KCNIP4: variants seen among roughly 807,000 people sequenced by gnomAD.
The protein encoded by KCNIP4 is potassium voltage-gated channel interacting protein 4.
In KCNIP4, 12 loss-of-function variants were observed where a neutral mutation model predicts 34.0. The ratio of observed to expected loss-of-function variants is 0.35; its 90% CI spans 0.23 to 0.57. The LOEUF (loss-of-function observed/expected upper bound fraction) is 0.57. Among genes scored for constraint, KCNIP4 ranks in the 20% least tolerant of loss-of-function variants. The pLI, the probability that KCNIP4 is intolerant of heterozygous loss-of-function variation, is 0.83. For missense variants in KCNIP4, 238 were observed against 311.7 expected (o/e 0.76, Z 1.78); for synonymous variants, 124 against 102.2 (o/e 1.21, Z -1.29).
intron 3 of KCNIP4, among the ~76,000 whole-genome samples, chr4:20,791,262 C>A (rs562417585): frequency 4.6e-5 from 7 of 152,170 alleles, no homozygotes; most frequent in Admixed American, 1.3e-4. Flanking sequence ...ATGTCAACAG[C>A]TGAAAGACAT....
At chr4:21,927,244 T>A (rs546991857) in intron 1 of KCNIP4, among the ~76,000 whole-genome samples, 2 of 152,288 alleles carry the variant, frequency 1.3e-5, no homozygotes, top group Middle Eastern at 3.4e-3. Flanking sequence ...TCACCCTGGA[T>A]AATTGTCCCA....
chr4:21,234,125 C>T (rs1342205577), intron 1 of KCNIP4, among the ~76,000 whole-genome samples: 2 of 105,470 alleles, frequency 1.9e-5, no homozygotes, highest in Admixed American at 2.2e-4. Flanking sequence ...TTATATATAA[C>T]ATATATAACG....
At chr4:21,796,326 C>T (rs905296537) in intron 1 of KCNIP4, among the ~76,000 whole-genome samples, 5 of 152,156 alleles carry the variant, frequency 3.3e-5, no homozygotes, top group Non-Finnish European at 5.9e-5. Context: ...GCTTTCTCCC[C>T]TCCCTGTAAG....
intron 1 of KCNIP4, among the ~76,000 whole-genome samples, chr4:21,123,758 A>G (rs1750370151): frequency 6.6e-6 from 1 of 152,100 alleles, no homozygotes; most frequent in Non-Finnish European, 1.5e-5. Flanking sequence ...TCGCAATGGG[A>G]TTATTGTCCT....
chr4:20,885,544 T>C (rs1577315396), intron 1 of KCNIP4, among the ~76,000 whole-genome samples: 1 of 151,936 alleles, frequency 6.6e-6, no homozygotes, highest in East Asian at 1.9e-4. Context: ...CCCTAGCCTC[T>C]GAATTTTCAA....
intron 1 of KCNIP4, among the ~76,000 whole-genome samples, chr4:21,423,965 G>A (rs1725719790): frequency 6.9e-6 from 1 of 145,252 alleles, no homozygotes; most frequent in Admixed American, 6.8e-5. Context: ...GCGCCACCAT[G>A]CCCGGCCAAT....
rs1314461014 is a variant in KCNIP4, at chr4:21,224,586, T to G, written c.62-341877A>C. Among the ~76,000 whole-genome samples, 3 of 132,538 alleles carry G rather than the reference T, an allele frequency of 2.3e-5. No homozygotes were observed. In the East Asian group the frequency reaches 6.3e-4, roughly 28 times the overall value. The allele number at this position is 132,538 out of a possible 152,430, so 87.0% of individuals were successfully genotyped here. A position where few individuals can be genotyped will look rare whatever the true frequency, so the allele number is the denominator to read the frequency against. ...CTTACAATTTTTCAACTGTTTTTTT[T>G]TTTTTTTTTTTTTTTTTTCAGATGG... On this transcript the variant is annotated intron_variant, in intron 1 of 8. Transcript: ENST00000382152.
chr4:21,009,318 G>C (rs1407745671), intron 1 of KCNIP4, among the ~76,000 whole-genome samples: 1 of 152,156 alleles, frequency 6.6e-6, no homozygotes, highest in Non-Finnish European at 1.5e-5. Flanking sequence ...GATGGATTTG[G>C]ATGGCTTTGC....
intron 1 of KCNIP4, among the ~76,000 whole-genome samples, chr4:21,226,240 AGGGG>A (rs1036034268): frequency 3.1e-4 from 9 of 29,460 alleles, no homozygotes; most frequent in Non-Finnish European, 2.7e-4. Flanking sequence ...AGGGGGAGGG[AGGGG>A]GGGAGGGAGG....
intron 1 of KCNIP4, among the ~76,000 whole-genome samples, chr4:21,581,555 G>C (rs1741199501): frequency 6.6e-6 from 1 of 151,960 alleles, no homozygotes; most frequent in African/African-American, 2.4e-5. Flanking sequence ...CAAAGCCTCT[G>C]CTCCTTCATC....
rs770366497 is a variant in KCNIP4, at chr4:21,304,030, T to TGAGAGAGAGAGAGAGA, written c.62-421337_62-421322dup. The TGAGAGAGAGAGAGAGA allele has an allele frequency of 7.6e-4, 219 of 288,632 alleles. 16 individuals are homozygous for TGAGAGAGAGAGAGAGA. Among genetic ancestry groups the TGAGAGAGAGAGAGAGA allele is most frequent in the African/African-American group, 3.0e-3 (66 of 21,648 alleles). The allele number at this position is 288,632 out of a possible 1,614,324, so 17.9% of individuals were successfully genotyped here. On this transcript the variant is annotated intron_variant, in intron 1 of 8. Transcript: ENST00000382152. ...GGAGAAAGGGGAGGAGGAGAGCGTA[T>TGAGAGAGAGAGAGAGA]GAGAGAGAGAGAGAGAGAGAGAGAG...
At chr4:21,395,657 T>G (rs1296917504) in intron 1 of KCNIP4, among the ~76,000 whole-genome samples, 1 of 152,140 alleles carries the variant, frequency 6.6e-6, no homozygotes, top group Non-Finnish European at 1.5e-5. Context: ...TAATAAAAAT[T>G]TGTATATTTT....
Position 20,874,038 on chromosome 4 carries a change from C to T in KCNIP4, c.163+8570G>A, listed in dbSNP as rs192538954. Among the ~76,000 whole-genome samples, 38 of 152,242 alleles carry T rather than the reference C, an allele frequency of 2.5e-4. No homozygotes were observed. The East Asian group carries it at 5.6e-3, about 22-fold the overall frequency. Reference sequence around the variant, plus strand: ...GTATCACTACAGTAGTTGTGATCATCGTAGTAGCAGGAGAATGACAGCAAA... The same window carrying T: ...GTATCACTACAGTAGTTGTGATCATTGTAGTAGCAGGAGAATGACAGCAAA... On this transcript the variant is annotated intron_variant, in intron 2 of 8. Transcript: ENST00000382152.
chr4:21,411,386 T>C (rs1456004202), intron 1 of KCNIP4, among the ~76,000 whole-genome samples: 1 of 152,302 alleles, frequency 6.6e-6, no homozygotes, highest in South Asian at 2.1e-4. Flanking sequence ...TCAATAATGA[T>C]GGAAAATCTA....
rs554101352 is a variant in KCNIP4 at position 21,094,301 on chromosome 4, A to G, written c.62-211592T>C. 1.5e-4 allele frequency among the ~76,000 whole-genome samples: 23 copies of G among 152,322 alleles called. No homozygotes were observed. The South Asian group carries it at 4.1e-3, about 27-fold the overall frequency. On this transcript the variant is annotated intron_variant, in intron 1 of 8. Transcript: ENST00000382152. The stretch of plus-strand genomic sequence containing the variant: ...GTGGCAGATTCAACACAGAAAAATT[A>G]CAACTTCCTCATACAATGAAAATTT...
At chr4:20,772,698 A>C (rs1258894557) in intron 3 of KCNIP4, among the ~76,000 whole-genome samples, 1 of 151,558 alleles carries the variant, frequency 6.6e-6, no homozygotes. Flanking sequence ...CTGGAATACA[A>C]TGGCACAATC....
At chr4:21,028,447 A>T (rs1740734653) in intron 1 of KCNIP4, among the ~76,000 whole-genome samples, 1 of 152,182 alleles carries the variant, frequency 6.6e-6, no homozygotes. Flanking sequence ...TCTGGCTTCC[A>T]ATATGTTTTA....
At chr4:20,905,509 C>CTGTTTTTTTTTTTTTTTTTTTTT (rs1727641885) in intron 1 of KCNIP4, among the ~76,000 whole-genome samples, 1 of 72,804 alleles carries the variant, frequency 1.4e-5, no homozygotes, top group Non-Finnish European at 2.7e-5. Context: ...CGTTTTCTTT[C>CTGTTTTTTTTTTTTTTTTTTTTT]TTTTTTTTTT....
intron 1 of KCNIP4, among the ~76,000 whole-genome samples, chr4:21,082,330 A>G (rs1236689430): frequency 6.6e-6 from 1 of 151,796 alleles, no homozygotes; most frequent in Non-Finnish European, 1.5e-5. Flanking sequence ...CATTAGAAGT[A>G]CTTAAGCAAA....
Sources: gnomAD v4.1 joint callset for allele counts (sites outside exome capture counted in the v4.1 genomes callset) on GRCh38, gnomAD v4.1.1 for gene constraint, MANE v1.5 for transcripts, NCBI Gene and HGNC (gene_info 2026-07-23, HGNC 2026-07-21) for gene names.